Variants in ZBTB7C observed in about 807,000 individuals in gnomAD.
ZBTB7C encodes zinc finger and BTB domain containing 7C, also known as zinc finger and BTB domain-containing protein 7C.
ZBTB7C carries 8 observed loss-of-function variants against 25.7 expected under a neutral mutation model. The ratio of observed to expected loss-of-function variants is 0.31; its 90% confidence interval spans 0.18 to 0.56. The LOEUF (loss-of-function observed/expected upper bound fraction) is 0.56. Among genes scored for constraint, ZBTB7C ranks in the 20% least tolerant of loss-of-function variants. ZBTB7C has a pLI of 0.91. For missense variants in ZBTB7C, 824 were observed against 855.2 expected, an observed-to-expected ratio of 0.96 and a Z score of 0.46; for synonymous variants, 394 against 369.0, an observed-to-expected ratio of 1.07 and a Z score of -0.78.
intron 2 of ZBTB7C, among the ~76,000 whole-genome samples, chr18:48,257,980 G>A (rs1237949485): frequency 6.6e-6 from 1 of 152,152 alleles, no homozygotes; most frequent in Non-Finnish European, 1.5e-5. Context: ...GCTCCAGTGA[G>A]CTATGATTGC....
intron 1 of ZBTB7C, among the ~76,000 whole-genome samples, chr18:48,354,770 G>A (rs1314272590): frequency 6.6e-6 from 1 of 152,132 alleles, no homozygotes; most frequent in African/African-American, 2.4e-5. Flanking sequence ...GCTGGTCCAA[G>A]CACACTGGTA....
intron 1 of ZBTB7C, among the ~76,000 whole-genome samples, chr18:48,368,559 GA>G (rs1197636807): frequency 6.6e-6 from 1 of 152,042 alleles, no homozygotes; most frequent in Non-Finnish European, 1.5e-5. Context: ...TCCAAATTTG[GA>G]AAAAGATAAA....
chr18:48,176,095 T>C (rs2041667722), intron 3 of ZBTB7C, among the ~76,000 whole-genome samples: 1 of 152,134 alleles, frequency 6.6e-6, no homozygotes, highest in Non-Finnish European at 1.5e-5. Context: ...CATCCTATAA[T>C]GGAGAAATCA....
intron 2 of ZBTB7C, among the ~76,000 whole-genome samples, chr18:48,261,682 A>G (rs1169752161): frequency 6.6e-6 from 1 of 152,114 alleles, no homozygotes; most frequent in East Asian, 1.9e-4. Context: ...CATGGACACT[A>G]GGCTCCCAAA....
At chr18:48,312,190 G>A (rs1271103771) in intron 2 of ZBTB7C, among the ~76,000 whole-genome samples, 2 of 152,246 alleles carry the variant, frequency 1.3e-5, no homozygotes, top group African/African-American at 4.8e-5. Context: ...TGGAGATCCA[G>A]TCCCCTCCTG....
At chr18:48,137,072 C>T (rs1598949483) in intron 3 of ZBTB7C, 1 of 985,420 alleles carries the variant, frequency 1.0e-6, no homozygotes. Context: ...GGGTCCCGGG[C>T]TGGGAATCCA....
intron 2 of ZBTB7C, among the ~76,000 whole-genome samples, chr18:48,326,095 C>CTTTTTTTT (rs34725749): frequency 7.9e-6 from 1 of 126,178 alleles, no homozygotes. Context: ...CTACCAACAT[C>CTTTTTTTT]TTTTTTTTTT....
chr18:48,389,021 G>A (rs1237211621), intron 1 of ZBTB7C, among the ~76,000 whole-genome samples: 1 of 152,104 alleles, frequency 6.6e-6, no homozygotes, highest in Non-Finnish European at 1.5e-5. Flanking sequence ...GTCTTTATTT[G>A]GACCAGGTTC....
chr18:48,237,108 A>G (rs2043401214), intron 2 of ZBTB7C, among the ~76,000 whole-genome samples: 1 of 152,182 alleles, frequency 6.6e-6, no homozygotes, highest in African/African-American at 2.4e-5. Flanking sequence ...GTGGGGGAGC[A>G]ATATTCTGGC....
intron 2 of ZBTB7C, among the ~76,000 whole-genome samples, chr18:48,254,238 G>A (rs192793983): frequency 8.5e-4 from 129 of 152,288 alleles, no homozygotes; most frequent in African/African-American, 2.9e-3. Context: ...GGTGAATGCC[G>A]GCAGCAAAAT....
At position 48,196,496 on chromosome 18, in the gene ZBTB7C, G is replaced by A. The variant is rs28380481; in HGVS notation, c.-78-10501C>T. On this transcript the variant is annotated intron_variant, in intron 2 of 4. Transcript: ENST00000590800. ...GTAGGTTGCTTGGGGAAGGATTTGG[G>A]GGTCAGAGGGATGTCTAGGAGTCTC... Among the ~76,000 whole-genome samples the A allele has an allele frequency of 6.1e-3, 932 of 152,234 alleles. 15 individuals carry two copies. Among genetic ancestry groups the A allele is most frequent in the African/African-American group, 0.022 (897 of 41,514 alleles).
At position 48,028,855 on chromosome 18, in the gene ZBTB7C, CT is replaced by C. The variant is rs1304648366; in HGVS notation, c.*404del. Reference sequence around the variant, plus strand: ...AGAGACTTTGCCATAGGGGGTGGGGCTTAACCAAGGTGCATGCCCAGCCCCT... The same window carrying C: ...AGAGACTTTGCCATAGGGGGTGGGGCTAACCAAGGTGCATGCCCAGCCCCT... On this transcript the variant is annotated 3_prime_UTR_variant, in exon 5 of 5. Transcript: ENST00000590800. The C allele has an allele frequency of 5.0e-6, 1 of 199,662 alleles. No individual in the cohort carries two copies. Among genetic ancestry groups the C allele is most frequent in the African/African-American group, 2.4e-5 (1 of 42,226 alleles). The allele number at this position is 199,662 out of a possible 1,614,324, so 12.4% of individuals were successfully genotyped here.
chr18:48,329,852 T>C (rs2046305252), intron 2 of ZBTB7C, among the ~76,000 whole-genome samples: 1 of 152,212 alleles, frequency 6.6e-6, no homozygotes, highest in Admixed American at 6.5e-5. Context: ...CTAAAAGTTG[T>C]TGAGGGCTCA....
At chr18:48,331,783 A>G (rs1415176178) in intron 2 of ZBTB7C, among the ~76,000 whole-genome samples, 1 of 152,212 alleles carries the variant, frequency 6.6e-6, no homozygotes, top group Non-Finnish European at 1.5e-5. Flanking sequence ...ATTGGCATAG[A>G]AAGGCTTAAG....
intron 3 of ZBTB7C, among the ~76,000 whole-genome samples, chr18:48,073,265 G>A (rs2037622736): frequency 6.6e-6 from 1 of 152,038 alleles, no homozygotes; most frequent in Non-Finnish European, 1.5e-5. Context: ...TTTAAGTCTA[G>A]GGGAAAGAAA....
At chr18:48,383,918 A>G (rs2047689242) in intron 1 of ZBTB7C, among the ~76,000 whole-genome samples, 1 of 152,206 alleles carries the variant, frequency 6.6e-6, no homozygotes, top group Non-Finnish European at 1.5e-5. Flanking sequence ...CCTCGACCTA[A>G]GCATGGGTAT....
chr18:48,038,819 A>G (rs2036089252), intron 4 of ZBTB7C, among the ~76,000 whole-genome samples: 1 of 152,198 alleles, frequency 6.6e-6, no homozygotes, highest in African/African-American at 2.4e-5. Flanking sequence ...TCATGTTCAC[A>G]GGGCAGGCAT....
chr18:48,074,562 G>A (rs970453348), intron 3 of ZBTB7C, among the ~76,000 whole-genome samples: 2 of 152,218 alleles, frequency 1.3e-5, no homozygotes, highest in Non-Finnish European at 2.9e-5. Flanking sequence ...CCCTGTGTGG[G>A]CAGCTGTGTG....
intron 2 of ZBTB7C, among the ~76,000 whole-genome samples, chr18:48,268,034 A>T (rs182504716): frequency 6.6e-6 from 1 of 152,354 alleles, no homozygotes. Flanking sequence ...TACTCTCCAT[A>T]GGCCAACATT....
Sources: gnomAD v4.1 joint callset for allele counts (sites outside exome capture counted in the v4.1 genomes callset) on GRCh38, gnomAD v4.1.1 for gene constraint, MANE v1.5 for transcripts, NCBI Gene and HGNC (gene_info 2026-07-23, HGNC 2026-07-21) for gene names.